The following HEATR4 variants were observed in gnomAD, a reference collection of about 807,000 sequenced individuals.
HEATR4 encodes the protein HEAT repeat-containing protein 4.
In HEATR4, 95 loss-of-function variants were observed where a neutral mutation model predicts 108.8. The ratio of observed to expected loss-of-function variants is 0.87; its 90% confidence interval spans 0.74 to 1.04. The LOEUF is 1.04. Among genes scored for constraint, HEATR4 ranks in the 50% least tolerant of loss-of-function variants. HEATR4 has a pLI of 0.00. For synonymous variants in HEATR4, 443 were observed against 459.4 expected (o/e 0.96, Z 0.46); for missense variants, 1,152 against 1,253.8 (o/e 0.92, Z 1.23).
At chr14:73,593,938 C>G in the HEATR4 span, 4 of 1,557,650 alleles carry the variant, frequency 2.6e-6, no homozygotes, top group Non-Finnish European at 3.5e-6. Flanking sequence ...ATCAGTCTCT[C>G]TAGAAATATT....
intron 6 of HEATR4, among the ~76,000 whole-genome samples, 156 bp downstream of exon 6, chr14:73,513,875 C>A (rs1463300899): frequency 6.6e-6 from 1 of 151,878 alleles, no homozygotes; most frequent in East Asian, 1.9e-4. Flanking sequence ...ATCTAACACC[C>A]AATGTGTGAA....
At chr14:73,624,211 C>T in the HEATR4 span, among the ~76,000 whole-genome samples, 1 of 152,044 alleles carries the variant, frequency 6.6e-6, no homozygotes, top group Admixed American at 6.6e-5. Context: ...CAACCTCCAC[C>T]TCCCAGATTC....
rs748143423 is a variant in HEATR4 at position 73,490,985 on chromosome 14, C to T, written c.2844+2081G>A. The T allele has an allele frequency of 2.5e-5, 33 of 1,330,702 alleles. No homozygotes were observed. In the Admixed American group the frequency reaches 1.0e-3, roughly 41 times the overall value. The allele number at this position is 1,330,702 out of a possible 1,614,324, so 82.4% of individuals were successfully genotyped here. A position where few individuals can be genotyped will look rare whatever the true frequency, so the allele number is the denominator to read the frequency against. ...GAACCGCTTTAGCTTCGCCCCCGGC[C>T]GGCCGGGCGGGGAAGACTGGTGTGG... On this transcript the variant is annotated intron_variant, in intron 17 of 17. Coordinates refer to ENST00000553558, the MANE Select transcript of HEATR4 (RefSeq NM_001220484.1).
intron 17 of HEATR4, among the ~76,000 whole-genome samples, chr14:73,490,662 T>C (rs918039958): frequency 6.6e-6 from 1 of 152,000 alleles, no homozygotes; most frequent in Admixed American, 6.6e-5. Flanking sequence ...ACCATACTGG[T>C]CAGGCTGGTC....
chr14:73,511,240 C>T (rs975803933), intron 7 of HEATR4, among the ~76,000 whole-genome samples: 7 of 151,992 alleles, frequency 4.6e-5, no homozygotes, highest in Admixed American at 4.6e-4. Context: ...TTGTCAGGTG[C>T]GGTGGCTCAT....
chr14:73,603,281 T>G, the HEATR4 span, among the ~76,000 whole-genome samples: 30 of 152,224 alleles, frequency 2.0e-4, no homozygotes, highest in African/African-American at 7.2e-4. Context: ...GCAAACCTAA[T>G]ATTTGAACGT....
At chr14:73,566,886 C>T in the HEATR4 span, among the ~76,000 whole-genome samples, 3 of 152,178 alleles carry the variant, frequency 2.0e-5, no homozygotes, top group African/African-American at 4.8e-5. Flanking sequence ...CTCTCACAAG[C>T]TCCACCTCTG....
At chr14:73,589,166 A>ATG in the HEATR4 span, among the ~76,000 whole-genome samples, 1 of 152,184 alleles carries the variant, frequency 6.6e-6, no homozygotes, top group African/African-American at 2.4e-5. Context: ...GTATAATGAC[A>ATG]TGTATCCACC....
At chr14:73,589,210 T>TA in the HEATR4 span, among the ~76,000 whole-genome samples, 9 of 152,232 alleles carry the variant, frequency 5.9e-5, no homozygotes, top group African/African-American at 9.6e-5. Context: ...TTCACTGCCC[T>TA]AAAAATTGTT....
chr14:73,484,414 T>C, intron 17 of HEATR4, among the ~76,000 whole-genome samples: 1 of 152,118 alleles, frequency 6.6e-6, no homozygotes, highest in South Asian at 2.1e-4. Context: ...AGTCTTGCCC[T>C]GTTGCCCAGG....
In HEATR4 at chr14:73,551,089, G is replaced by A. The variant is rs566430007; in HGVS notation, c.-152+7662C>T. On this transcript the variant is annotated intron_variant, in intron 1 of 17. Coordinates refer to ENST00000553558, the MANE Select transcript of HEATR4 (RefSeq NM_001220484.1). ...TGAGGCAGGAGAATCACTTGAACCT[G>A]GGAGGCACAGGTTACAGTGAGCTGA... Among the ~76,000 whole-genome samples the A allele has an allele frequency of 1.8e-5, 2 of 112,368 alleles. 1 individual carries two copies. Among genetic ancestry groups the A allele is most frequent in the Admixed American group, 2.0e-4 (2 of 9,866 alleles). 73.7% of individuals were successfully genotyped at this position (112,368 alleles called of 152,430 possible).
At chr14:73,508,070 T>G in intron 9 of HEATR4, 64 bp downstream of exon 9, 1 of 1,468,684 alleles carries the variant, frequency 6.8e-7, no homozygotes, top group Middle Eastern at 1.7e-4. Context: ...ATTGCTTACA[T>G]TCACTGACCT....
the HEATR4 span, among the ~76,000 whole-genome samples, chr14:73,625,581 G>A: frequency 1.4e-4 from 21 of 151,152 alleles, no homozygotes; most frequent in African/African-American, 3.7e-4. Flanking sequence ...GGCTGGTCTC[G>A]AACTCCTGAC....
the HEATR4 span, among the ~76,000 whole-genome samples, chr14:73,570,332 A>G: frequency 6.6e-6 from 1 of 151,754 alleles, no homozygotes; most frequent in African/African-American, 2.4e-5. Context: ...CACTTTGGGA[A>G]GTCTCGGCGG....
At chr14:73,524,310 A>AAAAAAAAATATATATATATATATAT in intron 2 of HEATR4, among the ~76,000 whole-genome samples, 1 of 54,786 alleles carries the variant, frequency 1.8e-5, no homozygotes, top group African/African-American at 8.8e-5. Context: ...AAAAAAAAAA[A>AAAAAAAAATATATATATATATATAT]ATATATATAT....
At chr14:73,491,878 G>C (rs780591513) in intron 17 of HEATR4, 1 of 1,611,664 alleles carries the variant, frequency 6.2e-7, no homozygotes, top group Non-Finnish European at 8.5e-7. Context: ...CCGCCGCGTG[G>C]TCCCTGTACC....
the HEATR4 span, chr14:73,595,132 C>T: frequency 9.9e-6 from 16 of 1,614,196 alleles, no homozygotes; most frequent in Non-Finnish European, 1.2e-5. Flanking sequence ...TGAAGAATGT[C>T]TCAGCCACAG....
chr14:73,493,358 G>A (rs1885914768), intron 16 of HEATR4: 1 of 475,686 alleles, frequency 2.1e-6, no homozygotes, highest in Non-Finnish European at 3.8e-6. Flanking sequence ...AAATTTGTAT[G>A]AACCTTAGAA....
At chr14:73,504,698 T>C (rs1483049152) in intron 10 of HEATR4, among the ~76,000 whole-genome samples, 2 of 152,166 alleles carry the variant, frequency 1.3e-5, no homozygotes, top group African/African-American at 2.4e-5. Flanking sequence ...GTGCTTCCCA[T>C]ATCAAAATGT....
Sources: allele counts gnomAD v4.1 joint callset (sites outside exome capture counted in the v4.1 genomes callset), GRCh38; gene constraint gnomAD v4.1.1; transcripts MANE v1.5; gene names NCBI Gene and HGNC (gene_info 2026-07-23, HGNC 2026-07-21).